Variants in TRAPPC9 observed in about 807,000 individuals in gnomAD.
TRAPPC9 encodes IKK2 binding protein.
A neutral mutation model predicts 124.0 loss-of-function variants in TRAPPC9; 83 were observed. The observed-to-expected ratio is 0.67, with a 90% CI of 0.56 to 0.80. The LOEUF is 0.80. Ranked by LOEUF, TRAPPC9 falls within the 30% of genes least tolerant of loss-of-function variation. The pLI is 0.00. For synonymous variants in TRAPPC9, 638 were observed against 617.5 expected (o/e 1.03, Z -0.49); for missense variants, 1,302 against 1,508.3 (o/e 0.86, Z 2.27).
At position 139,785,225 on chromosome 8, in the gene TRAPPC9, G is replaced by A. The variant is rs549056191; in HGVS notation, c.3056-53023C>T. Among the ~76,000 whole-genome samples, 18 of 152,234 alleles carry A rather than the reference G, an allele frequency of 1.2e-4. No homozygotes were observed. The South Asian group carries it at 3.5e-3, about 30-fold the overall frequency. ...GGCTGGAACAACTGAATACACACTC[G>A]CTAAAATGAACTTCAGTCCCTACGT... On this transcript the variant is annotated intron_variant, in intron 21 of 22. Transcript: ENST00000438773.
intron 7 of TRAPPC9, among the ~76,000 whole-genome samples, chr8:140,380,364 TAA>T (rs1382023387): frequency 6.6e-6 from 1 of 151,954 alleles, no homozygotes; most frequent in Non-Finnish European, 1.5e-5. Flanking sequence ...TGCAAACAAA[TAA>T]AGTTAGCCCT....
chr8:140,135,213 G>C (rs2061279481), intron 17 of TRAPPC9, among the ~76,000 whole-genome samples: 2 of 152,190 alleles, frequency 1.3e-5, no homozygotes, highest in Admixed American at 1.3e-4. Context: ...TGCATTGCTA[G>C]TGGGAGTGAA....
Position 140,365,304 on chromosome 8 carries a change from G to A in TRAPPC9, c.1352-5111C>T, listed in dbSNP as rs116632239. ...CATCCCACAGCTGGTCAGTAATGGC[G>A]TCCTGTGCTCCCACCAGCTGTGCAA... On this transcript the variant is annotated intron_variant, in intron 8 of 22. Coordinates refer to ENST00000438773, the MANE Select transcript of TRAPPC9 (RefSeq NM_001160372.4). Among the ~76,000 whole-genome samples, 300 of 152,206 alleles carry A rather than the reference G, an allele frequency of 2.0e-3. 1 individual carries two copies. Among genetic ancestry groups the A allele is most frequent in the Middle Eastern group, 6.8e-3 (2 of 294 alleles).
intron 21 of TRAPPC9, among the ~76,000 whole-genome samples, chr8:139,785,419 C>G (rs1011715721): frequency 6.6e-6 from 1 of 152,126 alleles, no homozygotes; most frequent in African/African-American, 2.4e-5. Context: ...AAACCTTGGC[C>G]TGGCAGGGTG....
intron 17 of TRAPPC9, among the ~76,000 whole-genome samples, chr8:140,127,489 T>A (rs535073518): frequency 3.3e-5 from 5 of 152,232 alleles, no homozygotes; most frequent in Non-Finnish European, 5.9e-5. Context: ...CCATGCTTCA[T>A]CCATGACCCT....
At chr8:140,212,984 G>A (rs546825338) in intron 17 of TRAPPC9, among the ~76,000 whole-genome samples, 10 of 151,682 alleles carry the variant, frequency 6.6e-5, no homozygotes, top group Admixed American at 1.3e-4. Context: ...CAGGAGAATC[G>A]CTTGAACCCA....
chr8:140,219,670 T>C (rs2063289112), intron 17 of TRAPPC9, among the ~76,000 whole-genome samples: 1 of 152,152 alleles, frequency 6.6e-6, no homozygotes, highest in Admixed American at 6.5e-5. Flanking sequence ...CCTGCTGTCA[T>C]TAAACTATCT....
chr8:140,275,785 T>G lies in TRAPPC9; in HGVS notation c.2151A>C (p.Glu717Asp). Residue 717 changes from glutamate to aspartate, a missense_variant, in exon 15 of 23, where the codon GAA (glutamate) becomes GAC (aspartate). Glu to Asp is a conservative substitution (Grantham distance 45, BLOSUM62 2). Transcript: ENST00000438773. ...AHSLQPSSGD[E>D]ISTNVSVQLY... ...GCTGGACAGATACATTAGTAGATAT[T>G]TCATCACCAGAAGAAGGTTGCAATG... 6.2e-7 allele frequency: 1 copy of G among 1,613,556 alleles called. No homozygotes were observed. The highest frequency in any genetic ancestry group is 1.1e-5 in the South Asian group (1 of 91,058).
intron 19 of TRAPPC9, among the ~76,000 whole-genome samples, chr8:139,987,021 A>G (rs1221013047): frequency 1.3e-5 from 2 of 152,218 alleles, no homozygotes; most frequent in African/African-American, 4.8e-5. Context: ...CACATGGCAT[A>G]TGCACTTTGG....
chr8:140,438,839 G>A (rs1039428608), intron 3 of TRAPPC9, among the ~76,000 whole-genome samples: 3 of 152,112 alleles, frequency 2.0e-5, no homozygotes, highest in Non-Finnish European at 2.9e-5. Context: ...CTATAGGCGC[G>A]TGCCACCACG....
intron 7 of TRAPPC9, among the ~76,000 whole-genome samples, chr8:140,373,822 C>G (rs2068354903): frequency 6.6e-6 from 1 of 152,122 alleles, no homozygotes; most frequent in African/African-American, 2.4e-5. Flanking sequence ...GTATATCTTC[C>G]TTTGTGAAGC....
intron 17 of TRAPPC9, among the ~76,000 whole-genome samples, chr8:140,046,208 G>T (rs1841586181): frequency 6.6e-6 from 1 of 152,262 alleles, no homozygotes; most frequent in Non-Finnish European, 1.5e-5. Context: ...GGTCCACGGT[G>T]CAATAGAGCT....
At chr8:139,857,796 C>G (rs1407197092) in intron 21 of TRAPPC9, among the ~76,000 whole-genome samples, 4 of 152,236 alleles carry the variant, frequency 2.6e-5, no homozygotes, top group African/African-American at 9.6e-5. Context: ...GTGGAGAGAG[C>G]AACTAGCCCC....
intron 21 of TRAPPC9, among the ~76,000 whole-genome samples, chr8:139,868,847 C>T (rs547214534): frequency 3.3e-5 from 5 of 152,004 alleles, no homozygotes; most frequent in Admixed American, 6.6e-5. Context: ...GGTAGAGAGA[C>T]AAACAAGAAA....
chr8:140,126,756 G>C (rs898998581), intron 17 of TRAPPC9, among the ~76,000 whole-genome samples: 4 of 152,322 alleles, frequency 2.6e-5, no homozygotes, highest in African/African-American at 7.2e-5. Flanking sequence ...GCCCCACAAA[G>C]GCAGAGATGT....
chr8:140,165,754 C>T (rs1227326601), intron 17 of TRAPPC9, among the ~76,000 whole-genome samples: 1 of 152,084 alleles, frequency 6.6e-6, no homozygotes, highest in Non-Finnish European at 1.5e-5. Context: ...ATCTGCAAGG[C>T]AGGAGCAGAG....
At chr8:139,852,687 A>G (rs959871353) in intron 21 of TRAPPC9, among the ~76,000 whole-genome samples, 1 of 152,206 alleles carries the variant, frequency 6.6e-6, no homozygotes, top group Non-Finnish European at 1.5e-5. Context: ...GCACAAACCA[A>G]AGAAAATATT....
chr8:140,115,677 T>C (rs1385998842), intron 17 of TRAPPC9, among the ~76,000 whole-genome samples: 3 of 152,206 alleles, frequency 2.0e-5, no homozygotes, highest in Admixed American at 6.5e-5. Flanking sequence ...GGCCCAGCTG[T>C]AGAGTGAATG....
intron 16 of TRAPPC9, among the ~76,000 whole-genome samples, chr8:140,225,345 C>A (rs927364958): frequency 6.6e-6 from 1 of 152,154 alleles, no homozygotes; most frequent in Non-Finnish European, 1.5e-5. Context: ...ACACAGTTTA[C>A]ACACACACGC....
Sources: gnomAD v4.1 joint callset for allele counts (sites outside exome capture counted in the v4.1 genomes callset) on GRCh38, gnomAD v4.1.1 for gene constraint, MANE v1.5 for transcripts, NCBI Gene and HGNC (gene_info 2026-07-23, HGNC 2026-07-21) for gene names.